OSBP2: variants seen among roughly 807,000 people sequenced by gnomAD.
OSBP2 encodes the protein oxysterol binding protein 2.
A neutral mutation model predicts 96.0 loss-of-function variants in OSBP2; 66 were observed. The observed-to-expected ratio is 0.69, with a 90% confidence interval of 0.56 to 0.84. The LOEUF (loss-of-function observed/expected upper bound fraction) is 0.84. Among genes scored for constraint, OSBP2 ranks in the 40% least tolerant of loss-of-function variants. The pLI, the probability that OSBP2 is intolerant of heterozygous loss-of-function variation, is 0.00. For synonymous variants in OSBP2, 525 were observed against 520.9 expected (o/e 1.01, Z -0.11); for missense variants, 1,038 against 1,222.7 (o/e 0.85, Z 2.25).
intron 2 of OSBP2, among the ~76,000 whole-genome samples, chr22:30,786,437 C>G (rs1165994212): frequency 6.6e-6 from 1 of 152,080 alleles, no homozygotes; most frequent in Non-Finnish European, 1.5e-5. Context: ...TCAATGACAC[C>G]TGCCAGAGAC....
At chr22:30,845,692 G>A (rs1331168222) in intron 2 of OSBP2, among the ~76,000 whole-genome samples, 6 of 151,850 alleles carry the variant, frequency 4.0e-5, no homozygotes, top group South Asian at 2.1e-4. Context: ...GACCAGCCTG[G>A]TCAACATGGT....
At chr22:30,896,339 A>T (rs556805835) in intron 12 of OSBP2, among the ~76,000 whole-genome samples, 7 of 152,250 alleles carry the variant, frequency 4.6e-5, no homozygotes, top group Non-Finnish European at 8.8e-5. Flanking sequence ...TTTTTTAAAC[A>T]ACTACTAGGA....
Position 30,885,877 on chromosome 22 carries a change from G to C in OSBP2, c.1108-1549G>C, listed in dbSNP as rs563780338. ...TTCCCCAACTGGCATCCTGACCGTG[G>C]GAGGCCAACCAAGGTGGGTGCTGGT... On this transcript the variant is annotated intron_variant, in intron 3 of 13. Transcript: ENST00000332585. Among the ~76,000 whole-genome samples, 14 of 152,348 alleles carry C rather than the reference G, an allele frequency of 9.2e-5. No individual in the cohort carries two copies. In the South Asian group the frequency reaches 2.9e-3, roughly 32 times the overall value.
intron 8 of OSBP2, 118 bp from the exon 9 acceptor site, chr22:30,893,004 T>G (rs1284597642): frequency 3.0e-6 from 4 of 1,345,600 alleles, no homozygotes; most frequent in Non-Finnish European, 4.1e-6. Flanking sequence ...CCAGGACTGC[T>G]CCTATGGCCA....
chr22:30,804,435 T>A (rs1188550338), intron 2 of OSBP2, among the ~76,000 whole-genome samples: 1 of 152,184 alleles, frequency 6.6e-6, no homozygotes, highest in Non-Finnish European at 1.5e-5. Flanking sequence ...CTTCCTTGGA[T>A]CATTGGATGC....
At chr22:30,905,182 G>A (rs1024919946) in intron 12 of OSBP2, among the ~76,000 whole-genome samples, 4 of 125,178 alleles carry the variant, frequency 3.2e-5, no homozygotes, top group African/African-American at 9.0e-5. Context: ...GCCTCGAACT[G>A]TCGCCCAGGC....
intron 2 of OSBP2, among the ~76,000 whole-genome samples, chr22:30,757,693 C>G (rs964526281): frequency 3.9e-5 from 6 of 152,114 alleles, no homozygotes; most frequent in Non-Finnish European, 7.4e-5. Context: ...GCTGGGATTA[C>G]AGACATGAGC....
chr22:30,716,776 G>C (rs1428775830), intron 1 of OSBP2, among the ~76,000 whole-genome samples: 1 of 152,076 alleles, frequency 6.6e-6, no homozygotes, highest in African/African-American at 2.4e-5. Flanking sequence ...GATTTTTGTT[G>C]TTGAGTTGTA....
chr22:30,748,394 C>G (rs1479398880), intron 2 of OSBP2, among the ~76,000 whole-genome samples: 2 of 152,042 alleles, frequency 1.3e-5, no homozygotes, highest in Non-Finnish European at 2.9e-5. Context: ...TTCCAAGACC[C>G]CCGAACCATT....
intron 2 of OSBP2, among the ~76,000 whole-genome samples, chr22:30,794,196 TAAAAAAAATGTTTTTTAATAATTTAA>T: frequency 6.6e-6 from 1 of 150,974 alleles, no homozygotes; most frequent in East Asian, 1.9e-4. Context: ...ACCTGGTCTC[TAAAAAAAATGTTTTTTAATAATTTAA>T]AAAATAAATA....
chr22:30,859,448 C>T (rs1448649524), intron 2 of OSBP2, among the ~76,000 whole-genome samples: 3 of 152,272 alleles, frequency 2.0e-5, no homozygotes, highest in Admixed American at 6.5e-5. Context: ...GACCCCACAA[C>T]CATCAGCAGG....
chr22:30,884,467 C>T (rs1569164958), intron 3 of OSBP2, among the ~76,000 whole-genome samples: 2 of 152,264 alleles, frequency 1.3e-5, no homozygotes, highest in Non-Finnish European at 2.9e-5. Flanking sequence ...CCACCACACT[C>T]TGCTGGCTTC....
At chr22:30,850,960 A>C (rs2038968406) in intron 2 of OSBP2, among the ~76,000 whole-genome samples, 1 of 152,188 alleles carries the variant, frequency 6.6e-6, no homozygotes, top group Non-Finnish European at 1.5e-5. Context: ...CTCTCCATTT[A>C]TTTAGGTCTT....
At chr22:30,823,730 A>C (rs1489912180) in intron 2 of OSBP2, among the ~76,000 whole-genome samples, 1 of 152,226 alleles carries the variant, frequency 6.6e-6, no homozygotes, top group African/African-American at 2.4e-5. Flanking sequence ...TTGTAAATGA[A>C]ATGTATTTCA....
At chr22:30,784,255 T>A (rs978027819) in intron 2 of OSBP2, among the ~76,000 whole-genome samples, 3 of 152,080 alleles carry the variant, frequency 2.0e-5, no homozygotes, top group East Asian at 1.9e-4. Flanking sequence ...TTTATTTATT[T>A]ATTAATTTAT....
chr22:30,749,043 G>A (rs185950898), intron 2 of OSBP2, among the ~76,000 whole-genome samples: 115 of 152,322 alleles, frequency 7.5e-4, no homozygotes, highest in African/African-American at 2.4e-3. Flanking sequence ...TTGAACCTGG[G>A]AGGTGGAAGT....
rs1282484705 is a variant in OSBP2, at chr22:30,887,490, A to G, written c.1172A>G (p.Tyr391Cys). The change falls in exon 4 of 14, where the codon TAT becomes TGT. Residue 391 changes from tyrosine (Y) to cysteine (C), a missense_variant. By Grantham distance (194) the Tyr-to-Cys change is radical. Coordinates refer to ENST00000332585, the MANE Select transcript of OSBP2 (RefSeq NM_030758.4). Reference protein sequence around the residue: ...HSRKWQRALQYEQEQRVHLEE... With the variant: ...HSRKWQRALQCEQEQRVHLEE... ...CGGAAATGGCAGCGGGCACTGCAGT[A>G]TGAGCAGGAGCAGCGCGTGCACTTG... 6.2e-7 allele frequency: 1 copy of G among 1,613,692 alleles called. No homozygotes were observed. The highest frequency in any genetic ancestry group is 1.3e-5 in the African/African-American group (1 of 74,946).
rs780773720 is a variant in OSBP2 at position 30,890,711 on chromosome 22, C to G, written c.1624-17C>G. The G allele has an allele frequency of 1.2e-5, 20 of 1,609,374 alleles. No individual in the cohort carries two copies. Among genetic ancestry groups the G allele is most frequent in the Admixed American group, 5.0e-5 (3 of 59,990 alleles). On this transcript the variant is annotated splice_polypyrimidine_tract_variant and intron_variant, in intron 7 of 13. Transcript: ENST00000332585. This position sits in a 1 kb window ranked among gnomAD's most constrained non-coding sequence, Gnocchi z 4.4. ...GGGGCTGGTGCCCAGCCTGACCACC[C>G]ACCTGTCCACCCACAGGTGAACTTC...
intron 3 of OSBP2, among the ~76,000 whole-genome samples, chr22:30,877,139 C>G (rs1397774160): frequency 6.6e-6 from 1 of 151,902 alleles, no homozygotes; most frequent in East Asian, 1.9e-4. Flanking sequence ...CACATGGGAG[C>G]CTCAGCAAAT....
Sources: gnomAD v4.1 joint callset for allele counts (sites outside exome capture counted in the v4.1 genomes callset) on GRCh38, gnomAD v4.1.1 for gene constraint, Gnocchi (gnomAD v3.1) non-coding constraint, MANE v1.5 for transcripts, NCBI Gene and HGNC (gene_info 2026-07-23, HGNC 2026-07-21) for gene names.